FERRY3: variants seen among roughly 807,000 people sequenced by gnomAD.
FERRY3 encodes the protein FERRY endosomal RAB5 effector complex subunit 3, also known as protein C12orf4.
At chr12:4,521,129 G>A in the FERRY3 span, among the ~76,000 whole-genome samples, 2 of 152,162 alleles carry the variant, frequency 1.3e-5, no homozygotes, top group East Asian at 1.9e-4. Context: ...GGGAGGCCGA[G>A]GTGGGCGAAT....
the FERRY3 span, among the ~76,000 whole-genome samples, chr12:4,510,342 C>G: frequency 7.3e-6 from 1 of 137,738 alleles, no homozygotes; most frequent in Admixed American, 7.3e-5. Flanking sequence ...TCCAGGAGAA[C>G]TTCCCCAATC....
the FERRY3 span, among the ~76,000 whole-genome samples, chr12:4,511,405 A>G: frequency 4.6e-5 from 7 of 152,364 alleles, no homozygotes; most frequent in East Asian, 1.3e-3. Flanking sequence ...AGACATCTAC[A>G]GAACTCTCCA....
chr12:4,523,602 A>T, the FERRY3 span, among the ~76,000 whole-genome samples: 2 of 152,266 alleles, frequency 1.3e-5, no homozygotes, highest in East Asian at 3.8e-4. Flanking sequence ...AATGTGGCAC[A>T]TATACACCAT....
the FERRY3 span, chr12:4,525,636 G>A: frequency 2.4e-6 from 3 of 1,238,782 alleles, no homozygotes; most frequent in African/African-American, 1.5e-5. Context: ...CAAGGTATAT[G>A]ATCCTTCAGA....
chr12:4,511,318 T>C, the FERRY3 span, among the ~76,000 whole-genome samples: 1 of 151,240 alleles, frequency 6.6e-6, no homozygotes, highest in Non-Finnish European at 1.5e-5. Flanking sequence ...ACTGTCAACA[T>C]TAGACAGATC....
At chr12:4,509,628 G>C in the FERRY3 span, among the ~76,000 whole-genome samples, 1,228 of 141,114 alleles carry the variant, frequency 8.7e-3, 55 homozygotes, top group Middle Eastern at 0.014. Context: ...GCACCCCCCG[G>C]CAGGGGTACA....
chr12:4,503,886 G>A, the FERRY3 span, among the ~76,000 whole-genome samples: 1 of 152,236 alleles, frequency 6.6e-6, no homozygotes, highest in East Asian at 1.9e-4. Context: ...ACAGATATTA[G>A]TTCTTCCAGA....
the FERRY3 span, among the ~76,000 whole-genome samples, chr12:4,507,094 A>ACACTT: frequency 1.3e-5 from 2 of 152,182 alleles, no homozygotes; most frequent in African/African-American, 4.8e-5. Flanking sequence ...CATTGACTGC[A>ACACTT]CACTTTCTAT....
chr12:4,533,227 A>G, the FERRY3 span, among the ~76,000 whole-genome samples: 1 of 152,138 alleles, frequency 6.6e-6, no homozygotes, highest in Non-Finnish European at 1.5e-5. Context: ...GTTATGATTA[A>G]TTCTCCATTT....
chr12:4,523,730 G>A, the FERRY3 span, among the ~76,000 whole-genome samples: 2 of 152,232 alleles, frequency 1.3e-5, no homozygotes, highest in East Asian at 1.9e-4. Flanking sequence ...AACACCGCAT[G>A]TTCTCACTCA....
the FERRY3 span, among the ~76,000 whole-genome samples, chr12:4,511,765 T>G: frequency 7.0e-6 from 1 of 142,954 alleles, no homozygotes; most frequent in Non-Finnish European, 1.5e-5. Flanking sequence ...TTTATAGCAC[T>G]AAATGCCCAC....
chr12:4,525,590 C>T, the FERRY3 span: 5 of 1,584,444 alleles, frequency 3.2e-6, no homozygotes, highest in African/African-American at 4.1e-5. Context: ...TTGTCTAAAA[C>T]ACAAATAAAC....
the FERRY3 span, among the ~76,000 whole-genome samples, chr12:4,531,544 G>A: frequency 1.3e-5 from 2 of 152,104 alleles, no homozygotes; most frequent in African/African-American, 2.4e-5. Flanking sequence ...CCTAATTTAC[G>A]CCACTCCCTC....
At chr12:4,522,769 A>G in the FERRY3 span, among the ~76,000 whole-genome samples, 1 of 152,250 alleles carries the variant, frequency 6.6e-6, no homozygotes, top group Admixed American at 6.5e-5. Context: ...ATCTGGAAAT[A>G]TCCAACATGT....
At chr12:4,514,086 AC>A in the FERRY3 span, among the ~76,000 whole-genome samples, 1 of 151,474 alleles carries the variant, frequency 6.6e-6, no homozygotes, top group Non-Finnish European at 1.5e-5. Context: ...TGGGCAAAGG[AC>A]ATGAACAGAC....
At chr12:4,498,532 A>C in the FERRY3 span, among the ~76,000 whole-genome samples, 1 of 152,240 alleles carries the variant, frequency 6.6e-6, no homozygotes, top group African/African-American at 2.4e-5. Flanking sequence ...CTTTCATAGG[A>C]TAGTACCAGG....
the FERRY3 span, chr12:4,490,482 AAG>A: frequency 1.0e-5 from 15 of 1,474,846 alleles, no homozygotes; most frequent in African/African-American, 1.7e-4. Flanking sequence ...AATCTAATAA[AAG>A]AGATTAAATT....
chr12:4,527,510 G>C, the FERRY3 span, among the ~76,000 whole-genome samples: 3 of 152,030 alleles, frequency 2.0e-5, no homozygotes, highest in Admixed American at 2.0e-4. Flanking sequence ...TTGTATTATT[G>C]ATGCTGTGCC....
At chr12:4,501,365 C>T in the FERRY3 span, among the ~76,000 whole-genome samples, 1 of 152,152 alleles carries the variant, frequency 6.6e-6, no homozygotes, top group African/African-American at 2.4e-5. Flanking sequence ...TACTCTTTAT[C>T]GTGGTCTAGA....
Sources: gnomAD v4.1 joint callset for allele counts (sites outside exome capture counted in the v4.1 genomes callset) on GRCh38, gnomAD v4.1.1 for gene constraint, MANE v1.5 for transcripts, NCBI Gene and HGNC (gene_info 2026-07-23, HGNC 2026-07-21) for gene names.